POLE: variants seen among roughly 807,000 people sequenced by gnomAD.
The protein encoded by POLE is DNA polymerase epsilon catalytic subunit A.
In POLE, 188 loss-of-function variants were observed where a neutral mutation model predicts 279.2. That is an observed-to-expected ratio of 0.67 (90% CI 0.60 to 0.76). The LOEUF (loss-of-function observed/expected upper bound fraction) is 0.76, where lower values mean the gene tolerates loss of function less well. Ranked by LOEUF, POLE falls within the 30% of genes least tolerant of loss-of-function variation. The pLI is 0.00. For synonymous variants in POLE, 1,214 were observed against 1,172.5 expected (o/e 1.04, Z -0.72); for missense variants, 2,703 against 3,016.7 (o/e 0.90, Z 2.44).
rs1283715399 is a variant in POLE at position 132,624,287 on chromosome 12, A to G, written c.*410T>C. 7.2e-6 allele frequency: 2 copies of G among 276,494 alleles called. No homozygotes were observed. Among genetic ancestry groups the G allele is most frequent in the Non-Finnish European group, 1.4e-5 (2 of 144,200 alleles). 17.1% of individuals were successfully genotyped at this position (276,494 alleles called of 1,614,324 possible). On this transcript the variant is annotated 3_prime_UTR_variant, in exon 49 of 49. Transcript: ENST00000320574. ...CCGTCTCGTCTCAGAGCCCAATCTC[A>G]GGGAGCCAGAAGCCCCCAGGGGCTT...
In POLE at chr12:132,632,298, C is replaced by T. The variant is rs2138458890; in HGVS notation, c.6330+17G>A. 6.2e-7 allele frequency: 1 copy of T among 1,604,112 alleles called. No individual in the cohort carries two copies. Among genetic ancestry groups the T allele is most frequent in the Non-Finnish European group, 8.5e-7 (1 of 1,171,446 alleles). ...TACGTTAGTGTCCTCTCCTCACACG[C>T]ACGCTGGCACTCTCACCTTGCACAC... On this transcript the variant is annotated intron_variant, in intron 45 of 48. Coordinates refer to ENST00000320574, the MANE Select transcript of POLE (RefSeq NM_006231.4).
chr12:132,675,267 T>C lies in POLE; in HGVS notation c.1226+131A>G. 1 of 1,160,280 alleles carries C rather than the reference T, an allele frequency of 8.6e-7. No homozygotes were observed. Among genetic ancestry groups the C allele is most frequent in the Non-Finnish European group, 1.2e-6 (1 of 825,966 alleles). 71.9% of individuals were successfully genotyped at this position (1,160,280 alleles called of 1,614,324 possible). On this transcript the variant is annotated intron_variant, in intron 12 of 48. Coordinates refer to ENST00000320574, the MANE Select transcript of POLE (RefSeq NM_006231.4). The surrounding 1 kb of genome is among the most constrained non-coding windows in gnomAD (Gnocchi z 4.3). ...GGCAGGGTTGCAGCTGCCATACTCT[T>C]GGGTGACCTGAAACGGCCTCTCGGA...
At chr12:132,657,509 G>C in intron 27 of POLE, 80 bp from the exon 28 acceptor site, 1 of 1,145,934 alleles carries the variant, frequency 8.7e-7, no homozygotes, top group Non-Finnish European at 1.3e-6. Context: ...TGAGCACAGG[G>C]CTAACCACTG....
Position 132,661,284 on chromosome 12 carries a change from G to A in POLE, c.2865-120C>T. The A allele has an allele frequency of 9.6e-7, 1 of 1,039,144 alleles. No homozygotes were observed. Among genetic ancestry groups the A allele is most frequent in the South Asian group, 1.6e-5 (1 of 63,752 alleles). 64.4% of individuals were successfully genotyped at this position (1,039,144 alleles called of 1,614,324 possible). A position where few individuals can be genotyped will look rare whatever the true frequency, so the allele number is the denominator to read the frequency against. ...CAACCCTCCACCTGTCATCCACGAG[G>A]CAGCAAACGTCTCTCTCCCTTAGGC... is the stretch of plus-strand genomic sequence containing the variant. On this transcript the variant is annotated intron_variant, in intron 24 of 48. Coordinates refer to ENST00000320574, the MANE Select transcript of POLE (RefSeq NM_006231.4). This position sits in a 1 kb window ranked among gnomAD's most constrained non-coding sequence, Gnocchi z 4.1.
chr12:132,667,473 G>A (rs2135968834), intron 20 of POLE, 30 bp downstream of exon 20: 2 of 1,611,456 alleles, frequency 1.2e-6, no homozygotes, highest in Non-Finnish European at 8.5e-7. Flanking sequence ...CCCTCACAGA[G>A]GCCAAAGCTT....
chr12:132,636,090 T>TC, intron 41 of POLE, 66 bp from the exon 42 acceptor site: 1 of 1,530,266 alleles, frequency 6.5e-7, no homozygotes, highest in Non-Finnish European at 8.9e-7. Flanking sequence ...TTCCTTTATT[T>TC]CCCCTTGTAT....
At chr12:132,631,237 G>C (rs193150335) in intron 45 of POLE, among the ~76,000 whole-genome samples, 4 of 152,194 alleles carry the variant, frequency 2.6e-5, no homozygotes, top group Admixed American at 6.5e-5. Context: ...CGCTCTAGAA[G>C]AGAAAAAAAA....
intron 13 of POLE, 51 bp from the exon 14 acceptor site, chr12:132,673,328 G>C (rs771970198): frequency 7.5e-7 from 1 of 1,339,442 alleles, no homozygotes; most frequent in Non-Finnish European, 1.1e-6. Flanking sequence ...AGAGCCCAGG[G>C]TCAAGTGTGA....
chr12:132,673,433 T>G (rs1308716928), intron 13 of POLE, 142 bp downstream of exon 13: 30 of 1,299,160 alleles, frequency 2.3e-5, no homozygotes, highest in Non-Finnish European at 2.7e-5. Context: ...AGACACAGCC[T>G]GCTGGGTGGA....
chr12:132,658,881 CAAAAAAAAAAAAAAAAA>C (rs1167117347), intron 26 of POLE, among the ~76,000 whole-genome samples: 2 of 33,840 alleles, frequency 5.9e-5, no homozygotes, highest in African/African-American at 1.0e-4. Context: ...ATATAACCAC[CAAAAAAAAAAAAAAAAA>C]AAAAAAAAAA....
chr12:132,631,722 T>C (rs2041937401), intron 45 of POLE, among the ~76,000 whole-genome samples: 1 of 152,126 alleles, frequency 6.6e-6, no homozygotes, highest in Admixed American at 6.5e-5. Flanking sequence ...TCTCATCAGC[T>C]CTGGGTCCTG....
intron 45 of POLE, among the ~76,000 whole-genome samples, chr12:132,627,333 CTG>C (rs947394715): frequency 1.5e-4 from 23 of 152,042 alleles, no homozygotes; most frequent in Non-Finnish European, 3.2e-4. Context: ...GGATTTCACT[CTG>C]TCACCCAGAA....
Position 132,677,430 on chromosome 12 carries a change from T to G in POLE, c.734A>C (p.Asn245Thr), listed in dbSNP as rs761812569. Residue 245 changes from asparagine to threonine, a missense_variant, in exon 8 of 49, where the codon AAT becomes ACT. Physicochemically the swap from Asn to Thr is moderately conservative, Grantham distance 65 (BLOSUM62 0). Transcript: ENST00000320574. ...AAAAGCATTTCCTCGGTATCTGACA[T>G]TGTACCAATGAGCCTGCAAAACACA... The part of the protein sequence containing the change: ...DLKIHVAHWY[N>T]VRYRGNAFPV... 6.2e-7 allele frequency: 1 copy of G among 1,614,024 alleles called. No homozygotes were observed. The highest frequency in any genetic ancestry group is 1.1e-5 in the South Asian group (1 of 91,082).
rs1060500830 is a variant in POLE, at chr12:132,624,771, G to A, written c.6787C>T (p.Gln2263Ter). ...AGGAGGTACGACATGCCGTAGTGCTGGGCAATGTTCCGGAATATTCCGATC... is the reference window on the plus strand; with the variant it reads ...AGGAGGTACGACATGCCGTAGTGCTAGGCAATGTTCCGGAATATTCCGATC... ...EQIGIFRNIA[Q>*]HYGMSYLLET... Residue 2263 changes from glutamine (Q) to a stop codon, truncating the protein, a stop_gained, in exon 49 of 49, where the codon CAG becomes TAG. Coordinates refer to ENST00000320574, the MANE Select transcript of POLE (RefSeq NM_006231.4). LOFTEE classifies it high-confidence loss of function. 1.2e-6 allele frequency: 2 copies of A among 1,613,578 alleles called. No individual in the cohort carries two copies. Among genetic ancestry groups the A allele is most frequent in the Non-Finnish European group, 1.7e-6 (2 of 1,179,444 alleles).
At chr12:132,678,730 T>A (rs2043108648) in intron 6 of POLE, among the ~76,000 whole-genome samples, 2 of 152,232 alleles carry the variant, frequency 1.3e-5, no homozygotes, top group Non-Finnish European at 2.9e-5. Context: ...AGCCTGTGCA[T>A]GGGTCTCTGC....
intron 29 of POLE, chr12:132,650,167 C>G: frequency 2.3e-6 from 1 of 436,326 alleles, no homozygotes; most frequent in Non-Finnish European, 4.2e-6. Flanking sequence ...TATGATCACA[C>G]CACTGAACTC....
At chr12:132,667,084 C>A (rs557166792) in intron 20 of POLE, among the ~76,000 whole-genome samples, 1 of 152,138 alleles carries the variant, frequency 6.6e-6, no homozygotes, top group Non-Finnish European at 1.5e-5. Context: ...GGATGAAATA[C>A]GTCAGTTAAA....
chr12:132,686,761 GTCTC>G (rs1338512545), intron 1 of POLE, among the ~76,000 whole-genome samples: 1 of 151,992 alleles, frequency 6.6e-6, no homozygotes, highest in South Asian at 2.1e-4. Flanking sequence ...AGGAGACGAG[GTCTC>G]TCTCTGTAGC....
intron 40 of POLE, 88 bp from the exon 41 acceptor site, chr12:132,638,227 T>G: frequency 7.8e-7 from 1 of 1,289,320 alleles, no homozygotes; most frequent in Non-Finnish European, 1.1e-6. Flanking sequence ...GGAAAAGAGC[T>G]GAGGGTCCTG....
Sources: gnomAD v4.1 joint callset for allele counts (sites outside exome capture counted in the v4.1 genomes callset) on GRCh38, gnomAD v4.1.1 for gene constraint, Gnocchi (gnomAD v3.1) non-coding constraint, MANE v1.5 for transcripts, NCBI Gene and HGNC (gene_info 2026-07-23, HGNC 2026-07-21) for gene names.